ZNF536: variants seen among roughly 807,000 people sequenced by gnomAD.
ZNF536 encodes zinc finger protein 536.
A neutral mutation model predicts 84.5 loss-of-function variants in ZNF536; 13 were observed. The observed-to-expected ratio is 0.15, with a 90% CI of 0.10 to 0.24. The LOEUF (loss-of-function observed/expected upper bound fraction) is 0.24. ZNF536 is among the 10% of genes least tolerant of loss of function. ZNF536 has a pLI of 1.00. For synonymous variants in ZNF536, 811 were observed against 742.5 expected (o/e 1.09, Z -1.50); for missense variants, 1,536 against 1,747.5 (o/e 0.88, Z 2.16).
At chr19:30,524,103 C>T (rs999638005) in intron 2 of ZNF536, among the ~76,000 whole-genome samples, 1 of 152,192 alleles carries the variant, frequency 6.6e-6, no homozygotes, top group Non-Finnish European at 1.5e-5. Context: ...TTATCCATCA[C>T]GAATGCCTCC....
intron 1 of ZNF536, among the ~76,000 whole-genome samples, chr19:30,611,131 T>C (rs1035263187): frequency 6.6e-5 from 10 of 152,298 alleles, no homozygotes; most frequent in African/African-American, 1.9e-4. Flanking sequence ...CCCGGAGCCA[T>C]TGGGAGTCCT....
chr19:30,636,298 C>A (rs965562285), intron 1 of ZNF536, among the ~76,000 whole-genome samples: 6 of 152,132 alleles, frequency 3.9e-5, no homozygotes, highest in Non-Finnish European at 7.4e-5. Context: ...TCTGCTGATT[C>A]CAGGATGGGT....
chr19:30,238,431 CCACACACACACA>C (rs57536360), intron 1 of ZNF536, among the ~76,000 whole-genome samples: 4 of 150,206 alleles, frequency 2.7e-5, no homozygotes, highest in Non-Finnish European at 5.9e-5. Context: ...TGTATCTAGG[CCACACACACACA>C]CACACACACA....
chr19:30,434,076 A>G (rs1449043866), intron 1 of ZNF536, among the ~76,000 whole-genome samples: 1 of 152,070 alleles, frequency 6.6e-6, no homozygotes, highest in Non-Finnish European at 1.5e-5. Flanking sequence ...CCAAGGTCAC[A>G]CCGATTCTAG....
intron 2 of ZNF536, among the ~76,000 whole-genome samples, chr19:30,447,294 G>T (rs372002263): frequency 4.6e-5 from 7 of 152,222 alleles, no homozygotes; most frequent in African/African-American, 1.7e-4. Context: ...TTTTAGCTTT[G>T]CTGTTATAGT....
Position 30,555,465 on chromosome 19 carries a change from G to A in ZNF536, c.3896-1692G>A, listed in dbSNP as rs1243814328. Reference sequence around the variant, plus strand: ...ATGCATGGTTGATAGCTCTTTCTTGGTATGTGGAGAAGTTTGCTTTGAAGA... The same window carrying A: ...ATGCATGGTTGATAGCTCTTTCTTGATATGTGGAGAAGTTTGCTTTGAAGA... On this transcript the variant is annotated intron_variant, in intron 4 of 4. Coordinates refer to ENST00000355537, the MANE Select transcript of ZNF536 (RefSeq NM_014717.3). 2.0e-5 allele frequency: 3 copies of A among 152,162 alleles called. No individual in the cohort carries two copies. In the East Asian group the frequency reaches 5.8e-4, roughly 29 times the overall value. The allele number at this position is 152,162 out of a possible 1,614,324, so 9.4% of individuals were successfully genotyped here.
chr19:30,472,088 C>A (rs780074609), intron 2 of ZNF536, among the ~76,000 whole-genome samples: 5 of 152,208 alleles, frequency 3.3e-5, no homozygotes, highest in South Asian at 2.1e-4. Flanking sequence ...TGCATACCTG[C>A]GGAAGCAGAG....
intron 2 of ZNF536, among the ~76,000 whole-genome samples, chr19:30,532,473 C>T (rs1568523499): frequency 6.6e-6 from 1 of 152,226 alleles, no homozygotes; most frequent in Non-Finnish European, 1.5e-5. Context: ...TACCTTCATC[C>T]TGAAGCCAAC....
At chr19:30,321,253 C>T (rs895400488) in intron 2 of ZNF536, among the ~76,000 whole-genome samples, 2 of 152,312 alleles carry the variant, frequency 1.3e-5, no homozygotes, top group African/African-American at 4.8e-5. Context: ...TCACCATGCT[C>T]ATAGTTTAAA....
At chr19:30,252,842 G>A (rs1018770936) in intron 1 of ZNF536, among the ~76,000 whole-genome samples, 2 of 152,162 alleles carry the variant, frequency 1.3e-5, no homozygotes, top group East Asian at 1.9e-4. Context: ...CAGAAGGGAC[G>A]GATTCCCCAC....
intron 1 of ZNF536, among the ~76,000 whole-genome samples, chr19:30,231,297 C>T (rs1468885547): frequency 2.0e-5 from 3 of 152,214 alleles, no homozygotes; most frequent in Non-Finnish European, 4.4e-5. Context: ...CAAGTGAGGC[C>T]TTAGATTTCG....
downstream of ZNF536, among the ~76,000 whole-genome samples, chr19:30,562,765 C>T (rs1254059185): frequency 6.6e-6 from 1 of 151,952 alleles, no homozygotes; most frequent in Admixed American, 6.6e-5. Flanking sequence ...AGGCTCTCAT[C>T]TTGCACTCAC....
intron 1 of ZNF536, among the ~76,000 whole-genome samples, chr19:30,430,049 G>A (rs1418026332): frequency 6.6e-6 from 1 of 151,958 alleles, no homozygotes; most frequent in Non-Finnish European, 1.5e-5. Flanking sequence ...TGAAGGGTGG[G>A]GGAGGGGATT....
chr19:30,472,406 C>T lies in ZNF536; in HGVS notation c.2170+26674C>T, dbSNP rs571019864. 1.0e-3 allele frequency among the ~76,000 whole-genome samples: 157 copies of T among 152,276 alleles called. 1 individual carries two copies. The highest frequency in any genetic ancestry group is 4.2e-3 in the Admixed American group (65 of 15,296). ...ACTAACGATGCCCGGTATCTCACTG[C>T]GACGGCTGCCTGGGGATATTGCCGT... On this transcript the variant is annotated intron_variant, in intron 2 of 4. Transcript: ENST00000355537.
intron 1 of ZNF536, among the ~76,000 whole-genome samples, chr19:30,600,669 C>A (rs941708058): frequency 2.6e-5 from 4 of 152,184 alleles, no homozygotes; most frequent in African/African-American, 7.2e-5. Flanking sequence ...ATAGCCTGGC[C>A]AGCACCCCTG....
At chr19:30,468,977 G>T (rs903643217) in intron 2 of ZNF536, among the ~76,000 whole-genome samples, 2 of 152,084 alleles carry the variant, frequency 1.3e-5, no homozygotes, top group Non-Finnish European at 2.9e-5. Flanking sequence ...GCCTCCTGGG[G>T]CTTTCTCCCT....
chr19:30,271,347 CTT>C (rs2025842219), intron 1 of ZNF536, among the ~76,000 whole-genome samples: 2 of 120,514 alleles, frequency 1.7e-5, no homozygotes, highest in Non-Finnish European at 3.2e-5. Context: ...GCTTGAGGGA[CTT>C]ATCATTTTGG....
intron 1 of ZNF536, among the ~76,000 whole-genome samples, chr19:30,238,079 A>G (rs1732615663): frequency 6.6e-6 from 1 of 152,226 alleles, no homozygotes; most frequent in African/African-American, 2.4e-5. Context: ...TCAGGATTAA[A>G]AGAGAAAATG....
chr19:30,348,801 TTTTTTTTCTTTTC>T (rs1555727414), intron 2 of ZNF536, among the ~76,000 whole-genome samples: 1 of 115,798 alleles, frequency 8.6e-6, no homozygotes, highest in South Asian at 2.9e-4. Context: ...TCCATTTTCT[TTTTTTTTCTTTTC>T]TTTTTTTTTT....
Sources: gnomAD v4.1 joint callset for allele counts (sites outside exome capture counted in the v4.1 genomes callset) on GRCh38, gnomAD v4.1.1 for gene constraint, MANE v1.5 for transcripts, NCBI Gene and HGNC (gene_info 2026-07-23, HGNC 2026-07-21) for gene names.